Variants in ARHGAP35 observed in about 807,000 individuals in gnomAD.
ARHGAP35 encodes rho GTPase-activating protein 35.
Under a neutral mutation model 111.1 loss-of-function variants are expected in ARHGAP35, and 15 were observed. The ratio of observed to expected loss-of-function variants is 0.13; its 90% CI spans 0.09 to 0.21. The LOEUF is 0.21. Among genes scored for constraint, ARHGAP35 ranks in the 10% least tolerant of loss-of-function variants. The probability of loss-of-function intolerance (pLI) is 1.00; values close to 1 mark genes in which losing one functional copy is unlikely to be tolerated. For synonymous variants in ARHGAP35, 643 were observed against 710.3 expected (o/e 0.91, Z 1.51); for missense variants, 1,262 against 1,873.0 (o/e 0.67, Z 6.02).
intron 1 of ARHGAP35, among the ~76,000 whole-genome samples, chr19:46,915,767 A>C (rs1003172134): frequency 5.3e-5 from 8 of 152,046 alleles, no homozygotes; most frequent in Non-Finnish European, 1.2e-4. Flanking sequence ...TATCTAAGTA[A>C]ACTGAAGTGC....
At chr19:46,864,255 G>C (rs758753768) in intron 1 of ARHGAP35, among the ~76,000 whole-genome samples, 3 of 151,044 alleles carry the variant, frequency 2.0e-5, no homozygotes, top group African/African-American at 7.4e-5. Context: ...CTATGGTTGT[G>C]GGGGGGTATT....
In ARHGAP35 at chr19:46,920,795, G is replaced by A. The variant is rs1214014075; in HGVS notation, c.2120G>A (p.Gly707Glu). The stretch of plus-strand genomic sequence containing the variant: ...ACATTAATTTTGGTTAACAAGAGAG[G>A]AGACACCAGTGGAGAGACTCTGCAT... ...PLTLILVNKRGDTSGETLHSL... is the reference protein window; with the variant it reads ...PLTLILVNKREDTSGETLHSL... The change falls in exon 2 of 7, where the codon GGA becomes GAA. Residue 707 changes from glycine (G) to glutamate (E), a missense_variant. Gly to Glu is a moderately conservative substitution (Grantham distance 98). Coordinates refer to ENST00000672722, the MANE Select transcript of ARHGAP35 (RefSeq NM_004491.5). The surrounding 1 kb of genome is among the most constrained non-coding windows in gnomAD (Gnocchi z 7.0). 1 of 1,610,066 alleles carries A rather than the reference G, an allele frequency of 6.2e-7. No homozygotes were observed.
chr19:46,976,183 C>T (rs1250996926), intron 3 of ARHGAP35, among the ~76,000 whole-genome samples: 1 of 148,948 alleles, frequency 6.7e-6, no homozygotes, highest in Non-Finnish European at 1.5e-5. Context: ...TCCCACAGTC[C>T]AAATAGTTTT....
rs960436746 is a variant in ARHGAP35, at chr19:46,989,956, G to A, written c.4036+281G>A. On this transcript the variant is annotated intron_variant, in intron 5 of 6. Coordinates refer to ENST00000672722, the MANE Select transcript of ARHGAP35 (RefSeq NM_004491.5). The surrounding 1 kb of genome is among the most constrained non-coding windows in gnomAD (Gnocchi z 5.3). Reference sequence around the variant, plus strand: ...TTTCGGTGTCAGACTTGGCTCCTTCGCTTGTGGCCGACTTAACCTTCCCTG... The same window carrying A: ...TTTCGGTGTCAGACTTGGCTCCTTCACTTGTGGCCGACTTAACCTTCCCTG... Among the ~76,000 whole-genome samples, 11 of 152,164 alleles carry A rather than the reference G, an allele frequency of 7.2e-5. No homozygotes were observed. Among genetic ancestry groups the A allele is most frequent in the African/African-American group, 2.4e-4 (10 of 41,434 alleles).
chr19:46,938,502 G>A (rs191550298), intron 3 of ARHGAP35, among the ~76,000 whole-genome samples: 15 of 149,602 alleles, frequency 1.0e-4, no homozygotes, highest in East Asian at 6.0e-4. Context: ...ACAGGCGCCC[G>A]CCATGACGCC....
At position 46,986,652 on chromosome 19, in the gene ARHGAP35, A is replaced by G. The variant is rs1217151354; in HGVS notation, c.3827-1337A>G. The stretch of plus-strand genomic sequence containing the variant: ...ACAAAAAGGAAAAATGTAAACATAT[A>G]TAACGTTGATATAATTACTTAATAT... On this transcript the variant is annotated intron_variant, in intron 3 of 6. Transcript: ENST00000672722. This position sits in a 1 kb window ranked among gnomAD's most constrained non-coding sequence, Gnocchi z 4.3. 6.6e-6 allele frequency among the ~76,000 whole-genome samples: 1 copy of G among 152,244 alleles called. No individual in the cohort carries two copies. Among genetic ancestry groups the G allele is most frequent in the South Asian group, 2.1e-4 (1 of 4,832 alleles).
At position 46,920,648 on chromosome 19, in the gene ARHGAP35, C is replaced by G. The variant is rs767899529; in HGVS notation, c.1973C>G (p.Pro658Arg). 1 of 1,613,986 alleles carries G rather than the reference C, an allele frequency of 6.2e-7. No individual in the cohort carries two copies. Among genetic ancestry groups the G allele is most frequent in the Non-Finnish European group, 8.5e-7 (1 of 1,179,908 alleles). The change falls in exon 2 of 7, where the codon CCC (proline) becomes CGC (arginine). Residue 658 changes from proline to arginine, a missense_variant. Pro to Arg is a moderately radical substitution (Grantham distance 103). Coordinates refer to ENST00000672722, the MANE Select transcript of ARHGAP35 (RefSeq NM_004491.5). The surrounding 1 kb of genome is among the most constrained non-coding windows in gnomAD (Gnocchi z 7.0). ...VNSFQTPTFQ[P>R]HGCLCLYNSK... ...TCTTTCCAGACGCCAACATTTCAGC[C>G]CCACGGCTGTCTCTGCCTTTACAAT... is the stretch of plus-strand genomic sequence containing the variant.
chr19:46,983,014 A>G (rs1317165681), intron 3 of ARHGAP35, among the ~76,000 whole-genome samples: 1 of 132,284 alleles, frequency 7.6e-6, no homozygotes. Context: ...AGATGGTGCT[A>G]CTGCACTCCA....
chr19:46,907,533 C>T (rs1485532021), intron 1 of ARHGAP35, among the ~76,000 whole-genome samples: 1 of 151,832 alleles, frequency 6.6e-6, no homozygotes, highest in Non-Finnish European at 1.5e-5. Context: ...CTCTGTCCAG[C>T]AGTGGCGCGA....
chr19:46,910,653 A>G (rs2056133277), intron 1 of ARHGAP35, among the ~76,000 whole-genome samples: 1 of 151,348 alleles, frequency 6.6e-6, no homozygotes, highest in Admixed American at 6.6e-5. Context: ...GCAGTGGTGC[A>G]GTCTCAGCTC....
At chr19:46,982,383 A>G (rs2056625673) in intron 3 of ARHGAP35, among the ~76,000 whole-genome samples, 1 of 151,966 alleles carries the variant, frequency 6.6e-6, no homozygotes, top group Admixed American at 6.6e-5. Context: ...AGGCTGAGCC[A>G]TGAGAATCGC....
At chr19:46,966,268 G>A (rs916945068) in intron 3 of ARHGAP35, among the ~76,000 whole-genome samples, 1 of 152,094 alleles carries the variant, frequency 6.6e-6, no homozygotes, top group African/African-American at 2.4e-5. Flanking sequence ...TGCAATTGAG[G>A]CCAGGCGCAG....
At chr19:46,870,228 C>T (rs545284230) in intron 1 of ARHGAP35, among the ~76,000 whole-genome samples, 11 of 151,330 alleles carry the variant, frequency 7.3e-5, no homozygotes, top group African/African-American at 1.7e-4. Context: ...GGATTACAGG[C>T]GTGAGCTACC....
Position 46,988,062 on chromosome 19 carries a change from T to A in ARHGAP35, c.3900T>A (p.Asp1300Glu), listed in dbSNP as rs370634996. 1.2e-6 allele frequency: 2 copies of A among 1,613,644 alleles called. No homozygotes were observed. Among genetic ancestry groups the A allele is most frequent in the African/African-American group, 2.7e-5 (2 of 75,018 alleles). The change falls in exon 4 of 7, where the codon GAT becomes GAA. Residue 1300 changes from aspartate (D) to glutamate (E), a missense_variant. Physicochemically the swap from Asp to Glu is conservative, Grantham distance 45. Around this residue, in one of 8 missense-constraint regions of ARHGAP35, gnomAD observed 45 missense variants for 118.2 expected, o/e 0.38. Coordinates refer to ENST00000672722, the MANE Select transcript of ARHGAP35 (RefSeq NM_004491.5). The surrounding 1 kb of genome is among the most constrained non-coding windows in gnomAD (Gnocchi z 5.4). The stretch of plus-strand genomic sequence containing the variant: ...TGGAGAGTCTGCAGAGACAGTTTGA[T>A]CAAGGTAAAGTGCAGCCTGGCCAGG... ...SEMESLQRQF[D>E]QDHNLDLAEK... is the part of the protein sequence containing the mutation.
intron 1 of ARHGAP35, among the ~76,000 whole-genome samples, chr19:46,897,357 T>C (rs1368603740): frequency 1.3e-5 from 2 of 152,010 alleles, no homozygotes; most frequent in Admixed American, 6.6e-5. Flanking sequence ...TTTTTGTTAA[T>C]GGAAAGCTGG....
rs924789094 is a variant in ARHGAP35, at chr19:46,989,123, G to T, written c.3905-421G>T. The T allele has an allele frequency of 3.4e-5, 6 of 176,804 alleles. No homozygotes were observed. Among genetic ancestry groups the T allele is most frequent in the African/African-American group, 1.4e-4 (6 of 42,842 alleles). 11.0% of individuals were successfully genotyped at this position (176,804 alleles called of 1,614,324 possible). A position where few individuals can be genotyped will look rare whatever the true frequency, so the allele number is the denominator to read the frequency against. ...CCTCCCACCATAGGGGACAAGGATG[G>T]AGGCAGCAGTCACAGTGGTTGCTAA... is the stretch of plus-strand genomic sequence containing the variant. On this transcript the variant is annotated intron_variant, in intron 4 of 6. Transcript: ENST00000672722. This position sits in a 1 kb window ranked among gnomAD's most constrained non-coding sequence, Gnocchi z 5.3.
chr19:46,905,390 T>TA (rs1443582687), intron 1 of ARHGAP35, among the ~76,000 whole-genome samples: 2 of 142,024 alleles, frequency 1.4e-5, no homozygotes, highest in African/African-American at 2.6e-5. Context: ...TTTTTTTTTT[T>TA]TAATAGATGG....
intron 2 of ARHGAP35, among the ~76,000 whole-genome samples, chr19:46,923,283 T>C (rs909605958): frequency 1.3e-5 from 2 of 152,028 alleles, no homozygotes; most frequent in Non-Finnish European, 2.9e-5. Flanking sequence ...TTTTTTATTT[T>C]ATTTTATTTT....
In ARHGAP35 at chr19:46,910,539, A is replaced by C. The variant is rs529471167; in HGVS notation, c.-188-7949A>C. 4.7e-5 allele frequency among the ~76,000 whole-genome samples: 7 copies of C among 150,346 alleles called. 1 individual carries two copies. The highest frequency in any genetic ancestry group is 1.7e-4 in the African/African-American group (7 of 40,830). ...ACTCCTGACCTCAAGTGATCTGCCCACTTTGGCCTCCCAAAGTGCTGGGAT... is the reference window on the plus strand; with the variant it reads ...ACTCCTGACCTCAAGTGATCTGCCCCCTTTGGCCTCCCAAAGTGCTGGGAT... On this transcript the variant is annotated intron_variant, in intron 1 of 6. Transcript: ENST00000672722.
Sources: allele counts gnomAD v4.1 joint callset (sites outside exome capture counted in the v4.1 genomes callset), GRCh38; gene constraint gnomAD v4.1.1; regional missense constraint gnomAD v4.1.1; non-coding constraint Gnocchi (gnomAD v3.1); transcripts MANE v1.5; gene names NCBI Gene and HGNC (gene_info 2026-07-23, HGNC 2026-07-21).